MAD1L1: variants seen among roughly 807,000 people sequenced by gnomAD.
MAD1L1 encodes mitotic spindle assembly checkpoint protein MAD1.
A neutral mutation model predicts 96.9 loss-of-function variants in MAD1L1; 95 were observed. The observed-to-expected ratio is 0.98, with a 90% CI of 0.83 to 1.16. The LOEUF is 1.16. Among genes scored for constraint, MAD1L1 ranks in the 50% most tolerant of loss-of-function variants. The probability of loss-of-function intolerance (pLI) is 0.00; values close to 1 mark genes in which losing one functional copy is unlikely to be tolerated. For synonymous variants in MAD1L1, 473 were observed against 396.6 expected, an observed-to-expected ratio of 1.19 and a Z score of -2.29; for missense variants, 1,007 against 954.4, an observed-to-expected ratio of 1.06 and a Z score of -0.73.
chr7:2,138,084 G>T (rs1334579282), intron 11 of MAD1L1, among the ~76,000 whole-genome samples: 1 of 152,226 alleles, frequency 6.6e-6, no homozygotes, highest in African/African-American at 2.4e-5. Context: ...CCTTCACCAG[G>T]GCTGCACCCA....
intron 12 of MAD1L1, among the ~76,000 whole-genome samples, chr7:2,024,892 C>T (rs137907705): frequency 4.6e-5 from 7 of 152,322 alleles, no homozygotes; most frequent in African/African-American, 1.7e-4. Flanking sequence ...AGAAATGATA[C>T]CAATTCTCCA....
At chr7:2,215,514 A>C (rs190880339) in intron 9 of MAD1L1, among the ~76,000 whole-genome samples, 1 of 151,948 alleles carries the variant, frequency 6.6e-6, no homozygotes, top group Non-Finnish European at 1.5e-5. Context: ...GGGACAGTCC[A>C]CTTCCCTGCT....
chr7:2,134,556 C>T (rs1424491172), intron 11 of MAD1L1, among the ~76,000 whole-genome samples: 2 of 152,156 alleles, frequency 1.3e-5, no homozygotes, highest in Non-Finnish European at 2.9e-5. Context: ...CTGATCTTAG[C>T]GAGAAAGCTT....
Position 2,146,884 on chromosome 7 carries a change from G to A in MAD1L1, c.1073+2268C>T, listed in dbSNP as rs572361906. On this transcript the variant is annotated intron_variant, in intron 11 of 18. Transcript: ENST00000265854. The surrounding 1 kb of genome is among the most constrained non-coding windows in gnomAD (Gnocchi z 6.2). ...CGCGACGAACACGGTGTCCCGCCAC[G>A]GAAGAGAGCAGCAGCCCAGAGGCCA... Among the ~76,000 whole-genome samples, 24 of 152,310 alleles carry A rather than the reference G, an allele frequency of 1.6e-4. No individual in the cohort carries two copies. In the East Asian group the frequency reaches 2.9e-3, roughly 18 times the overall value.
At chr7:2,044,117 G>A (rs1193573380) in intron 12 of MAD1L1, among the ~76,000 whole-genome samples, 4 of 152,248 alleles carry the variant, frequency 2.6e-5, no homozygotes, top group African/African-American at 7.2e-5. Context: ...CCGCAGGAAG[G>A]GGAGCAGCCA....
intron 12 of MAD1L1, among the ~76,000 whole-genome samples, chr7:2,040,432 C>T (rs1340512753): frequency 2.0e-5 from 3 of 152,166 alleles, no homozygotes; most frequent in Non-Finnish European, 4.4e-5. Context: ...GGGAACTTTG[C>T]TCATTTTATT....
At chr7:2,182,553 A>C (rs910622003) in intron 10 of MAD1L1, among the ~76,000 whole-genome samples, 2 of 152,250 alleles carry the variant, frequency 1.3e-5, no homozygotes, top group Admixed American at 6.5e-5. Context: ...AAAGTGAAAC[A>C]ACCCAAATGT....
At chr7:2,211,279 C>G (rs1562376221) in intron 10 of MAD1L1, among the ~76,000 whole-genome samples, 1 of 152,148 alleles carries the variant, frequency 6.6e-6, no homozygotes, top group Non-Finnish European at 1.5e-5. Context: ...GGCCAGCATG[C>G]CCTCATGCTG....
At chr7:1,994,248 T>C (rs2128489824) in intron 14 of MAD1L1, among the ~76,000 whole-genome samples, 1 of 152,218 alleles carries the variant, frequency 6.6e-6, no homozygotes, top group Non-Finnish European at 1.5e-5. Context: ...ACAGGGACGA[T>C]GGTGGCGGTG....
chr7:2,178,130 A>G (rs1791029926), intron 10 of MAD1L1, among the ~76,000 whole-genome samples: 1 of 152,218 alleles, frequency 6.6e-6, no homozygotes, highest in Non-Finnish European at 1.5e-5. Flanking sequence ...ATACAAGGGG[A>G]AGTCATTGCC....
At chr7:1,876,088 G>C (rs1198790907) in intron 18 of MAD1L1, among the ~76,000 whole-genome samples, 3 of 152,140 alleles carry the variant, frequency 2.0e-5, no homozygotes, top group Admixed American at 2.0e-4. Context: ...GGGGCTCTGT[G>C]ACGGCAACCC....
At chr7:2,202,265 A>G (rs1262467872) in intron 10 of MAD1L1, among the ~76,000 whole-genome samples, 1 of 152,258 alleles carries the variant, frequency 6.6e-6, no homozygotes, top group Non-Finnish European at 1.5e-5. Flanking sequence ...ACCCCAAGGC[A>G]GAAAGCGGCC....
At chr7:1,986,441 G>T (rs937841339) in intron 14 of MAD1L1, among the ~76,000 whole-genome samples, 5 of 144,434 alleles carry the variant, frequency 3.5e-5, no homozygotes, top group Admixed American at 3.0e-4. Context: ...AGGGTCAGGG[G>T]CCGCCTCTCG....
At chr7:2,041,832 C>A (rs373136282) in intron 12 of MAD1L1, among the ~76,000 whole-genome samples, 1 of 73,326 alleles carries the variant, frequency 1.4e-5, no homozygotes, top group Non-Finnish European at 2.5e-5. Flanking sequence ...TGGCAGCCCA[C>A]AGGGGGGAGG....
chr7:2,221,554 C>T (rs1335522682), intron 5 of MAD1L1, among the ~76,000 whole-genome samples: 1 of 151,584 alleles, frequency 6.6e-6, no homozygotes, highest in Non-Finnish European at 1.5e-5. Context: ...CCTCTTGGCA[C>T]CAGCGATCTT....
intron 17 of MAD1L1, among the ~76,000 whole-genome samples, chr7:1,932,610 T>C (rs1448025229): frequency 6.6e-6 from 1 of 152,228 alleles, no homozygotes; most frequent in African/African-American, 2.4e-5. Flanking sequence ...GTGACCTCTG[T>C]GTTTCTTCTC....
rs560299679 is a variant in MAD1L1 at position 1,903,411 on chromosome 7, C to T, written c.1808-5021G>A. ...CAGTGGCCTATGGAAGACGTTCTTG[C>T]GGAACTCATGATTGATGAAGCACTG... On this transcript the variant is annotated intron_variant, in intron 17 of 18. Coordinates refer to ENST00000265854, the MANE Select transcript of MAD1L1 (RefSeq NM_001013836.2). Among the ~76,000 whole-genome samples, 46 of 149,476 alleles carry T rather than the reference C, an allele frequency of 3.1e-4. 1 individual carries two copies. Among genetic ancestry groups the T allele is most frequent in the South Asian group, 2.8e-3 (13 of 4,694 alleles).
intron 11 of MAD1L1, 45 bp from the exon 12 acceptor site, chr7:2,069,383 A>C (rs755764256): frequency 3.4e-6 from 5 of 1,480,532 alleles, no homozygotes; most frequent in Non-Finnish European, 4.5e-6. Context: ...GCCTGGGGTG[A>C]CCACCCCACC....
In MAD1L1 at chr7:1,994,043, G is replaced by A. The variant is rs114157075; in HGVS notation, c.1416+8022C>T. ...CCCTGGAGCACTCTCCACCACTGCC[G>A]GTGCCAACACGGGCAGGTCACTAAT... On this transcript the variant is annotated intron_variant, in intron 14 of 18. Transcript: ENST00000265854. Among the ~76,000 whole-genome samples the A allele has an allele frequency of 4.1e-3, 618 of 152,332 alleles. 5 individuals are homozygous for A. The highest frequency in any genetic ancestry group is 0.014 in the African/African-American group (566 of 41,590).
Sources: gnomAD v4.1 joint callset for allele counts (sites outside exome capture counted in the v4.1 genomes callset) on GRCh38, gnomAD v4.1.1 for gene constraint, Gnocchi (gnomAD v3.1) non-coding constraint, MANE v1.5 for transcripts, NCBI Gene and HGNC (gene_info 2026-07-23, HGNC 2026-07-21) for gene names.